Variants in ANKRD17 observed in about 807,000 individuals in gnomAD.
ANKRD17 encodes the protein ankyrin repeat domain-containing protein 17.
In ANKRD17, 19 loss-of-function variants were observed where a neutral mutation model predicts 229.7. The ratio of observed to expected loss-of-function variants is 0.08; its 90% CI spans 0.06 to 0.12. The LOEUF is 0.12. ANKRD17 is among the 10% of genes least tolerant of loss of function. The pLI is 1.00. For missense variants in ANKRD17, 2,176 were observed against 3,176.8 expected, an observed-to-expected ratio of 0.68 and a Z score of 7.57; for synonymous variants, 1,112 against 1,146.1, an observed-to-expected ratio of 0.97 and a Z score of 0.60.
At chr4:73,237,291 C>T (rs1743593163) in intron 1 of ANKRD17, among the ~76,000 whole-genome samples, 1 of 152,170 alleles carries the variant, frequency 6.6e-6, no homozygotes, top group Non-Finnish European at 1.5e-5. Context: ...AGACAAAAAG[C>T]TGTAATACCA....
intron 16 of ANKRD17, among the ~76,000 whole-genome samples, chr4:73,127,462 CTCA>C (rs1477102667): frequency 6.6e-6 from 1 of 151,966 alleles, no homozygotes; most frequent in Non-Finnish European, 1.5e-5. Context: ...AAATTACAAT[CTCA>C]TCATATTTTT....
Position 73,113,824 on chromosome 4 carries a change from T to A in ANKRD17, c.4369A>T (p.Ser1457Cys). ...RQAAEANKNA[S>C]ILLEELDLEK... ...AAGTCTAACTCCTCTAACAAAATGCTGGCGTTTTTGTTTGCTTCAGCAGCC... is the reference window on the plus strand; with the variant it reads ...AAGTCTAACTCCTCTAACAAAATGCAGGCGTTTTTGTTTGCTTCAGCAGCC... The change falls in exon 24 of 34, where the codon AGC becomes TGC. Residue 1457 changes from serine to cysteine, a missense_variant. Physicochemically the swap from Ser to Cys is moderately radical, Grantham distance 112. Coordinates refer to ENST00000358602, the MANE Select transcript of ANKRD17 (RefSeq NM_032217.5). 1 of 1,613,818 alleles carries A rather than the reference T, an allele frequency of 6.2e-7. No homozygotes were observed. The highest frequency in any genetic ancestry group is 8.5e-7 in the Non-Finnish European group (1 of 1,179,842).
rs1295270598 is a variant in ANKRD17, at chr4:73,085,262, T to C, written c.7146A>G (p.Ser2382=). The change falls in exon 30 of 34, where the codon TCA becomes TCG. Residue 2382 remains serine, a synonymous_variant. Transcript: ENST00000358602. ...FSPLSLLTPC[S]SASNDSSAQS... Reference sequence around the variant, plus strand: ...TATAAAACTCACCATTTGATGCTGATGAACACGGAGTCAACAAACTAAGCG... The same window carrying C: ...TATAAAACTCACCATTTGATGCTGACGAACACGGAGTCAACAAACTAAGCG... 1.2e-6 allele frequency: 2 copies of C among 1,614,004 alleles called. No individual in the cohort carries two copies. The highest frequency in any genetic ancestry group is 4.5e-5 in the East Asian group (2 of 44,886).
intron 24 of ANKRD17, among the ~76,000 whole-genome samples, chr4:73,106,413 T>C (rs1462693068): frequency 6.6e-6 from 1 of 152,048 alleles, no homozygotes; most frequent in Non-Finnish European, 1.5e-5. Flanking sequence ...AAACAAATAC[T>C]GCAGATTTAG....
Position 73,091,732 on chromosome 4 carries a change from T to C in ANKRD17, c.5896A>G (p.Thr1966Ala). The change falls in exon 29 of 34, where the codon ACT becomes GCT. Residue 1966 changes from threonine to alanine, a missense_variant. Around this residue, in one of 18 missense-constraint regions of ANKRD17, gnomAD observed 424 missense variants for 454.0 expected, o/e 0.93. Transcript: ENST00000358602. Reference sequence around the variant, plus strand: ...CTGGTTGTAGTTGTTGGGCTTGAAGTTAAAGAACCTGCTGAATTCACCTGA... The same window carrying C: ...CTGGTTGTAGTTGTTGGGCTTGAAGCTAAAGAACCTGCTGAATTCACCTGA... ...GSQVNSAGSL[T>A]SSPTTTTSSS... 1 of 1,614,174 alleles carries C rather than the reference T, an allele frequency of 6.2e-7. No individual in the cohort carries two copies. Among genetic ancestry groups the C allele is most frequent in the South Asian group, 1.1e-5 (1 of 91,084 alleles).
Position 73,211,871 on chromosome 4 carries a change from T to A in ANKRD17, c.394-34338A>T, listed in dbSNP as rs568403258. Among the ~76,000 whole-genome samples the A allele has an allele frequency of 5.4e-4, 79 of 147,112 alleles. No individual in the cohort carries two copies. The South Asian group carries it at 0.016, about 30-fold the overall frequency. ...TCAAAAAAAAAAAAAAAAAAAAATCTAATTGTAAGCTTTCATAAGCAGAAG... is the reference window on the plus strand; with the variant it reads ...TCAAAAAAAAAAAAAAAAAAAAATCAAATTGTAAGCTTTCATAAGCAGAAG... On this transcript the variant is annotated intron_variant, in intron 1 of 33. Transcript: ENST00000358602.
At chr4:73,234,327 C>T (rs892815044) in intron 1 of ANKRD17, among the ~76,000 whole-genome samples, 7 of 152,232 alleles carry the variant, frequency 4.6e-5, no homozygotes, top group South Asian at 2.1e-4. Flanking sequence ...TTAAACATTA[C>T]GTATTCTTAA....
intron 1 of ANKRD17, among the ~76,000 whole-genome samples, chr4:73,227,766 C>G (rs914510365): frequency 4.6e-5 from 7 of 151,850 alleles, no homozygotes; most frequent in Non-Finnish European, 7.4e-5. Flanking sequence ...TATTTAGGAC[C>G]AGCATTGGTT....
chr4:73,101,723 T>C (rs898275538), intron 25 of ANKRD17, among the ~76,000 whole-genome samples: 16 of 149,952 alleles, frequency 1.1e-4, no homozygotes, highest in African/African-American at 3.7e-4. Flanking sequence ...AATTCTGCAA[T>C]TTACTTTTAG....
intron 28 of ANKRD17, among the ~76,000 whole-genome samples, chr4:73,093,337 GT>G (rs1158837704): frequency 6.9e-6 from 1 of 145,826 alleles, no homozygotes; most frequent in Non-Finnish European, 1.5e-5. Context: ...TTCAAGATAA[GT>G]TATATCTTCA....
chr4:73,131,285 C>T (rs144216110), intron 16 of ANKRD17, among the ~76,000 whole-genome samples: 27 of 152,268 alleles, frequency 1.8e-4, no homozygotes, highest in African/African-American at 6.5e-4. Flanking sequence ...GCAAACTCTT[C>T]AGCATTTGTC....
intron 1 of ANKRD17, among the ~76,000 whole-genome samples, chr4:73,214,221 C>T (rs1410448417): frequency 6.6e-6 from 1 of 152,118 alleles, no homozygotes; most frequent in African/African-American, 2.4e-5. Flanking sequence ...ATAGAGTGAC[C>T]TACAGGGTGT....
At chr4:73,199,753 A>T (rs1187021582) in intron 1 of ANKRD17, among the ~76,000 whole-genome samples, 2 of 152,224 alleles carry the variant, frequency 1.3e-5, no homozygotes, top group African/African-American at 4.8e-5. Context: ...ACGAAAGCTC[A>T]ATATGAGTAA....
chr4:73,123,040 T>C lies in ANKRD17; in HGVS notation c.3493-1281A>G, dbSNP rs370896414. The stretch of plus-strand genomic sequence containing the variant: ...CCAAATTAAAGTAACAAAGTGTTTA[T>C]AGGCAAAATTGTTACCCTAACATAC... On this transcript the variant is annotated intron_variant, in intron 18 of 33. Transcript: ENST00000358602. 4.6e-4 allele frequency among the ~76,000 whole-genome samples: 70 copies of C among 152,208 alleles called. 1 individual carries two copies. In the South Asian group the frequency reaches 0.014, roughly 30 times the overall value.
chr4:73,092,422 ATAC>A, intron 28 of ANKRD17, 122 bp from the exon 29 acceptor site: 1 of 755,518 alleles, frequency 1.3e-6, no homozygotes, highest in Non-Finnish European at 2.1e-6. Context: ...ACATACACAC[ATAC>A]AAACAAAGGA....
intron 10 of ANKRD17, 119 bp downstream of exon 10, chr4:73,146,645 T>A (rs985728832): frequency 5.1e-6 from 4 of 779,682 alleles, no homozygotes; most frequent in Non-Finnish European, 5.7e-6. Context: ...GGCAAAAAAA[T>A]AAAAATAAAA....
At chr4:73,188,047 T>G (rs759234851) in intron 1 of ANKRD17, among the ~76,000 whole-genome samples, 1 of 152,096 alleles carries the variant, frequency 6.6e-6, no homozygotes, top group Non-Finnish European at 1.5e-5. Context: ...AACAAAAACC[T>G]GATCATATCT....
At chr4:73,097,020 C>G in intron 27 of ANKRD17, 97 bp downstream of exon 27, 1 of 1,395,082 alleles carries the variant, frequency 7.2e-7, no homozygotes, top group Non-Finnish European at 9.6e-7. Context: ...AGTTTGTTTG[C>G]AACCTTTAGA....
intron 29 of ANKRD17, among the ~76,000 whole-genome samples, chr4:73,087,385 A>T (rs1722310089): frequency 6.6e-6 from 1 of 152,130 alleles, no homozygotes; most frequent in South Asian, 2.1e-4. Context: ...ACATCCAGCC[A>T]ATCTGTCATT....
Sources: gnomAD v4.1 joint callset for allele counts (sites outside exome capture counted in the v4.1 genomes callset) on GRCh38, gnomAD v4.1.1 for gene constraint, gnomAD v4.1.1 regional missense constraint, MANE v1.5 for transcripts, NCBI Gene and HGNC (gene_info 2026-07-23, HGNC 2026-07-21) for gene names.